RPTOR: variants seen among roughly 807,000 people sequenced by gnomAD.
RPTOR encodes regulatory associated protein of MTOR complex 1.
A neutral mutation model predicts 169.9 loss-of-function variants in RPTOR; 21 were observed. The ratio of observed to expected loss-of-function variants is 0.12; its 90% confidence interval spans 0.09 to 0.18. RPTOR has a LOEUF of 0.18. Among genes scored for constraint, RPTOR ranks in the 10% least tolerant of loss-of-function variants. The pLI, the probability that RPTOR is intolerant of heterozygous loss-of-function variation, is 1.00. For synonymous variants in RPTOR, 732 were observed against 753.2 expected, an observed-to-expected ratio of 0.97 and a Z score of 0.46; for missense variants, 1,133 against 1,855.9, an observed-to-expected ratio of 0.61 and a Z score of 7.16.
At chr17:80,568,655 C>G (rs2064870858) in intron 1 of RPTOR, among the ~76,000 whole-genome samples, 1 of 152,142 alleles carries the variant, frequency 6.6e-6, no homozygotes, top group Non-Finnish European at 1.5e-5. Context: ...TTCCAGTTTT[C>G]CTATCTCTCC....
At chr17:80,761,169 G>T (rs8078829) in intron 6 of RPTOR, among the ~76,000 whole-genome samples, 4,136 of 152,074 alleles carry the variant, frequency 0.027, 193 homozygotes, top group African/African-American at 0.095. Context: ...TGATTGAGTG[G>T]CATAATATCA....
rs772669860 is a variant in RPTOR, at chr17:80,730,489, G to T, written c.508-71G>T. 9 of 1,530,154 alleles carry T rather than the reference G, an allele frequency of 5.9e-6. No individual in the cohort carries two copies. In the African/African-American group the frequency reaches 1.1e-4, roughly 19 times the overall value. 94.8% of individuals were successfully genotyped at this position (1,530,154 alleles called of 1,614,324 possible). A position where few individuals can be genotyped will look rare whatever the true frequency, so the allele number is the denominator to read the frequency against. On this transcript the variant is annotated intron_variant, in intron 4 of 33. Coordinates refer to ENST00000306801, the MANE Select transcript of RPTOR (RefSeq NM_020761.3). This position sits in a 1 kb window ranked among gnomAD's most constrained non-coding sequence, Gnocchi z 4.2. The stretch of plus-strand genomic sequence containing the variant: ...GCTCAATGTGTGTGCCTTTTGTAAC[G>T]GTGCAGTACTCACCAGCAGCCCATA...
At chr17:80,896,059 T>C (rs1051249145) in intron 20 of RPTOR, among the ~76,000 whole-genome samples, 3 of 152,192 alleles carry the variant, frequency 2.0e-5, no homozygotes, top group African/African-American at 7.2e-5. Flanking sequence ...GGGCCTTTTG[T>C]GTCTTGTTTT....
intron 7 of RPTOR, among the ~76,000 whole-genome samples, chr17:80,816,175 G>A (rs1005502013): frequency 2.6e-5 from 4 of 152,252 alleles, no homozygotes; most frequent in African/African-American, 9.6e-5. Context: ...ATGTTTGGGG[G>A]CCCAGCTGTG....
intron 3 of RPTOR, among the ~76,000 whole-genome samples, chr17:80,665,496 TCC>T: frequency 3.9e-5 from 2 of 51,174 alleles, no homozygotes; most frequent in African/African-American, 1.3e-4. Flanking sequence ...TCCTTTCCTT[TCC>T]TTTCCATGTC....
intron 5 of RPTOR, among the ~76,000 whole-genome samples, chr17:80,748,045 C>A (rs887091255): frequency 8.2e-6 from 1 of 121,972 alleles, no homozygotes; most frequent in South Asian, 2.9e-4. Context: ...GAGGCCGTGG[C>A]GGGAGGACCT....
At chr17:80,616,644 C>T (rs748936005) in intron 1 of RPTOR, among the ~76,000 whole-genome samples, 1 of 152,090 alleles carries the variant, frequency 6.6e-6, no homozygotes. Flanking sequence ...GAAAATTAGC[C>T]AGACATGGTG....
chr17:80,891,989 C>A (rs2068330947), intron 18 of RPTOR, 152 bp downstream of exon 18: 6 of 534,230 alleles, frequency 1.1e-5, no homozygotes, highest in Admixed American at 3.1e-5. Context: ...TCTTTTTAGG[C>A]ACCTGCCAGA....
intron 26 of RPTOR, among the ~76,000 whole-genome samples, chr17:80,946,933 C>G (rs1360959545): frequency 6.6e-6 from 1 of 152,232 alleles, no homozygotes; most frequent in East Asian, 1.9e-4. Context: ...TTCCCACCCG[C>G]ACAGCCTGTG....
chr17:80,955,919 C>A (rs376773762), intron 28 of RPTOR, among the ~76,000 whole-genome samples: 3 of 152,216 alleles, frequency 2.0e-5, no homozygotes, highest in Non-Finnish European at 2.9e-5. Flanking sequence ...GCTCAAATGA[C>A]GGGGTTAGTT....
At chr17:80,668,448 C>T (rs1320383940) in intron 3 of RPTOR, among the ~76,000 whole-genome samples, 1 of 152,178 alleles carries the variant, frequency 6.6e-6, no homozygotes, top group Non-Finnish European at 1.5e-5. Context: ...GGTCTTCGCG[C>T]CCTGTCCCCT....
rs1358041863 is a variant in RPTOR, at chr17:80,707,253, A to G, written c.349-588A>G. 1.3e-5 allele frequency among the ~76,000 whole-genome samples: 2 copies of G among 152,212 alleles called. No individual in the cohort carries two copies. Among genetic ancestry groups the G allele is most frequent in the Non-Finnish European group, 2.9e-5 (2 of 68,026 alleles). Reference sequence around the variant, plus strand: ...TTCAGAAGGACCGCGTACTTCTGAGAAACACTTGGTACCCCAGTGGCAGCT... The same window carrying G: ...TTCAGAAGGACCGCGTACTTCTGAGGAACACTTGGTACCCCAGTGGCAGCT... On this transcript the variant is annotated intron_variant, in intron 3 of 33. Transcript: ENST00000306801. The surrounding 1 kb of genome is among the most constrained non-coding windows in gnomAD (Gnocchi z 5.0).
Position 80,707,966 on chromosome 17 carries a change from C to G in RPTOR, c.474C>G (p.Pro158=). Residue 158 remains proline (P), a synonymous_variant, in exon 4 of 34, where the codon CCC becomes CCG. Coordinates refer to ENST00000306801, the MANE Select transcript of RPTOR (RefSeq NM_020761.3). The surrounding 1 kb of genome is among the most constrained non-coding windows in gnomAD (Gnocchi z 5.0). The part of the protein sequence containing the change: ...FHYNGHGVPR[P]TVNGEVWVFN... ...ACAATGGCCACGGGGTGCCCCGGCC[C>G]ACAGTCAACGGGGAGGTCTGGGTCT... 1 of 1,613,616 alleles carries G rather than the reference C, an allele frequency of 6.2e-7. No homozygotes were observed. Among genetic ancestry groups the G allele is most frequent in the Non-Finnish European group, 8.5e-7 (1 of 1,179,970 alleles).
chr17:80,785,993 A>G lies in RPTOR; in HGVS notation c.831-5457A>G, dbSNP rs560864614. 6.6e-5 allele frequency among the ~76,000 whole-genome samples: 10 copies of G among 152,220 alleles called. No homozygotes were observed. The South Asian group carries it at 2.1e-3, about 32-fold the overall frequency. Reference sequence around the variant, plus strand: ...AGGAGTTTTCATAGAGCGTCTGTCCATGGGGAGAGGAGTGGCTAGGTGGGG... The same window carrying G: ...AGGAGTTTTCATAGAGCGTCTGTCCGTGGGGAGAGGAGTGGCTAGGTGGGG... On this transcript the variant is annotated intron_variant, in intron 6 of 33. Transcript: ENST00000306801.
chr17:80,834,741 G>A (rs980909716), intron 9 of RPTOR, among the ~76,000 whole-genome samples: 1 of 152,214 alleles, frequency 6.6e-6, no homozygotes, highest in East Asian at 1.9e-4. Context: ...ACCAAGCGAG[G>A]GCCTTGGAGA....
intron 3 of RPTOR, among the ~76,000 whole-genome samples, chr17:80,655,575 A>AT (rs2065673141): frequency 7.1e-6 from 1 of 140,802 alleles, no homozygotes; most frequent in Non-Finnish European, 1.6e-5. Flanking sequence ...GCTAATTTTT[A>AT]ATTTTTTTTT....
At chr17:80,647,543 A>C (rs909864987) in intron 3 of RPTOR, among the ~76,000 whole-genome samples, 9 of 152,158 alleles carry the variant, frequency 5.9e-5, no homozygotes, top group Admixed American at 3.3e-4. Context: ...CCCCAGAGAG[A>C]GTGGACAACA....
chr17:80,799,164 T>A (rs1248460599), intron 7 of RPTOR, among the ~76,000 whole-genome samples: 1 of 152,234 alleles, frequency 6.6e-6, no homozygotes, highest in Non-Finnish European at 1.5e-5. Flanking sequence ...AATGGTGAGA[T>A]AACTTGTTTT....
At chr17:80,952,125 C>T (rs536414376) in intron 28 of RPTOR, among the ~76,000 whole-genome samples, 1 of 152,352 alleles carries the variant, frequency 6.6e-6, no homozygotes, top group Admixed American at 6.5e-5. Context: ...ATTGGAGTCA[C>T]ACTGCCTAAA....
Sources: gnomAD v4.1 joint callset for allele counts (sites outside exome capture counted in the v4.1 genomes callset) on GRCh38, gnomAD v4.1.1 for gene constraint, Gnocchi (gnomAD v3.1) non-coding constraint, MANE v1.5 for transcripts, NCBI Gene and HGNC (gene_info 2026-07-23, HGNC 2026-07-21) for gene names.